The following ADCY2 variants were observed in gnomAD, a reference collection of about 807,000 sequenced individuals.
The protein encoded by ADCY2 is adenylate cyclase type 2.
In ADCY2, 31 loss-of-function variants were observed where a neutral mutation model predicts 125.2. The observed-to-expected ratio is 0.25, with a 90% CI of 0.19 to 0.33. The LOEUF (loss-of-function observed/expected upper bound fraction) is 0.33. Ranked by LOEUF, ADCY2 falls within the 10% of genes least tolerant of loss-of-function variation. The pLI is 1.00. For synonymous variants in ADCY2, 512 were observed against 548.4 expected, an observed-to-expected ratio of 0.93 and a Z score of 0.93; for missense variants, 904 against 1,418.2, an observed-to-expected ratio of 0.64 and a Z score of 5.82.
At chr5:7,699,654 A>G (rs1241425900) in intron 7 of ADCY2, among the ~76,000 whole-genome samples, 1 of 152,172 alleles carries the variant, frequency 6.6e-6, no homozygotes, top group Non-Finnish European at 1.5e-5. Context: ...TGACAAGATC[A>G]CAGCTCACTA....
chr5:7,642,390 A>G (rs990759082), intron 4 of ADCY2, among the ~76,000 whole-genome samples: 2 of 151,982 alleles, frequency 1.3e-5, no homozygotes, highest in African/African-American at 4.8e-5. Flanking sequence ...TGTTTGTTAA[A>G]TTGTTTAAAT....
intron 2 of ADCY2, among the ~76,000 whole-genome samples, chr5:7,447,581 T>C (rs980473954): frequency 1.3e-5 from 2 of 152,210 alleles, no homozygotes; most frequent in Non-Finnish European, 2.9e-5. Flanking sequence ...TGTCTGCCTT[T>C]CTTCTAGCAG....
At chr5:7,553,321 C>A (rs1451941690) in intron 3 of ADCY2, among the ~76,000 whole-genome samples, 1 of 152,200 alleles carries the variant, frequency 6.6e-6, no homozygotes, top group Non-Finnish European at 1.5e-5. Flanking sequence ...GCGTTCACTG[C>A]AGTCTTCGGA....
At position 7,626,321 on chromosome 5, in the gene ADCY2, T is replaced by G. The variant is rs1436446858; in HGVS notation, c.720+5T>G. 6.2e-7 allele frequency: 1 copy of G among 1,613,404 alleles called. No homozygotes were observed. ...GAATTTGAAAAACGTCAACAGGTAA[T>G]GGATGTTTCATCTTACATCCACATT... On this transcript the variant is annotated splice_donor_5th_base_variant and intron_variant, in intron 4 of 24. Coordinates refer to ENST00000338316, the MANE Select transcript of ADCY2 (RefSeq NM_020546.3).
At chr5:7,737,343 C>T (rs753527678) in intron 14 of ADCY2, among the ~76,000 whole-genome samples, 1 of 152,168 alleles carries the variant, frequency 6.6e-6, no homozygotes, top group Non-Finnish European at 1.5e-5. Context: ...AACCCAGGCT[C>T]CTGGGCTTTC....
chr5:7,423,555 C>T (rs563483753), intron 2 of ADCY2, among the ~76,000 whole-genome samples: 21 of 152,280 alleles, frequency 1.4e-4, no homozygotes, highest in South Asian at 1.2e-3. Context: ...CCATGTAAGA[C>T]GTGACTTTGC....
intron 3 of ADCY2, among the ~76,000 whole-genome samples, chr5:7,554,600 A>T (rs901729511): frequency 6.6e-6 from 1 of 152,184 alleles, no homozygotes; most frequent in Non-Finnish European, 1.5e-5. Context: ...TTTAAGGCCA[A>T]AAAGCATGTC....
In ADCY2 at chr5:7,413,407, T is replaced by C. The variant is rs557714928; in HGVS notation, c.211-1166T>C. ...CCTCCCAGGTTCACGCCATTCTCTG[T>C]CTCAGCCTCCGGAGTAGCTGGGACC... is the stretch of plus-strand genomic sequence containing the variant. On this transcript the variant is annotated intron_variant, in intron 1 of 24. Coordinates refer to ENST00000338316, the MANE Select transcript of ADCY2 (RefSeq NM_020546.3). 7.9e-5 allele frequency among the ~76,000 whole-genome samples: 12 copies of C among 152,084 alleles called. No homozygotes were observed. The South Asian group carries it at 2.5e-3, about 32-fold the overall frequency.
At chr5:7,447,610 C>T (rs540493747) in intron 2 of ADCY2, among the ~76,000 whole-genome samples, 29 of 152,296 alleles carry the variant, frequency 1.9e-4, no homozygotes, top group Non-Finnish European at 3.5e-4. Context: ...ACTCCCACAG[C>T]CTGCAGCTGG....
At chr5:7,548,812 TG>T (rs1391825625) in intron 3 of ADCY2, among the ~76,000 whole-genome samples, 5 of 152,224 alleles carry the variant, frequency 3.3e-5, no homozygotes, top group Non-Finnish European at 7.3e-5. Flanking sequence ...CAAAGCCATC[TG>T]TGATTTGCAT....
At chr5:7,504,514 A>T (rs933792274) in intron 2 of ADCY2, among the ~76,000 whole-genome samples, 4 of 152,332 alleles carry the variant, frequency 2.6e-5, no homozygotes, top group Middle Eastern at 3.4e-3. Flanking sequence ...AGGTAATAGT[A>T]AAGTCATTAT....
chr5:7,802,413 C>T lies in ADCY2; in HGVS notation c.2775+49C>T. The T allele has an allele frequency of 3.2e-6, 5 of 1,585,670 alleles. No individual in the cohort carries two copies. The highest frequency in any genetic ancestry group is 4.3e-6 in the Non-Finnish European group (5 of 1,165,008). ...AAGGGCAGCAGTACACTCAGTCTCA[C>T]ACCTGTGCACTTGAAGTTACTTCAG... is the stretch of plus-strand genomic sequence containing the variant. On this transcript the variant is annotated intron_variant, in intron 21 of 24. Coordinates refer to ENST00000338316, the MANE Select transcript of ADCY2 (RefSeq NM_020546.3). This position sits in a 1 kb window ranked among gnomAD's most constrained non-coding sequence, Gnocchi z 4.6.
intron 3 of ADCY2, among the ~76,000 whole-genome samples, chr5:7,567,687 T>G (rs1444562203): frequency 1.3e-5 from 2 of 152,204 alleles, no homozygotes; most frequent in Non-Finnish European, 2.9e-5. Context: ...ATTTCTGATG[T>G]TTCCCAATTC....
chr5:7,508,184 C>T (rs1483407904), intron 2 of ADCY2, among the ~76,000 whole-genome samples: 2 of 152,080 alleles, frequency 1.3e-5, no homozygotes, highest in African/African-American at 2.4e-5. Flanking sequence ...AACATTTTGC[C>T]TAAGTCCTTC....
Position 7,707,810 on chromosome 5 carries a change from T to C in ADCY2, c.1373T>C (p.Val458Ala), listed in dbSNP as rs1476652226. The C allele has an allele frequency of 6.2e-7, 1 of 1,614,042 alleles. No individual in the cohort carries two copies. Among genetic ancestry groups the C allele is most frequent in the Non-Finnish European group, 8.5e-7 (1 of 1,180,030 alleles). Reference protein sequence around the residue: ...IRDPYLKQHLVKTYFVINPKG... With the variant: ...IRDPYLKQHLAKTYFVINPKG... ...GACCCATATTTAAAACAGCACCTGG[T>C]GAAAACCTACTTTGTGATCAACCCC... Residue 458 changes from valine to alanine, a missense_variant, in exon 9 of 25, where the codon GTG (valine) becomes GCG (alanine). Coordinates refer to ENST00000338316, the MANE Select transcript of ADCY2 (RefSeq NM_020546.3).
chr5:7,544,161 C>A (rs1355866552), intron 3 of ADCY2, among the ~76,000 whole-genome samples: 1 of 152,272 alleles, frequency 6.6e-6, no homozygotes, highest in East Asian at 1.9e-4. Context: ...AGAACATTAG[C>A]TCCCCATGGA....
chr5:7,574,801 G>C lies in ADCY2; in HGVS notation c.571-51366G>C, dbSNP rs1434752060. Among the ~76,000 whole-genome samples, 4 of 152,116 alleles carry C rather than the reference G, an allele frequency of 2.6e-5. No homozygotes were observed. In the South Asian group the frequency reaches 8.3e-4, roughly 32 times the overall value. On this transcript the variant is annotated intron_variant, in intron 3 of 24. Transcript: ENST00000338316. ...AATCATGTATCCAAGAAGTTCCAAT[G>C]AATGCATGCAAAAATTTAGTTTCTA...
chr5:7,625,812 C>A (rs1482509330), intron 3 of ADCY2, among the ~76,000 whole-genome samples: 1 of 152,140 alleles, frequency 6.6e-6, no homozygotes, highest in Non-Finnish European at 1.5e-5. Context: ...TAATGAGGTG[C>A]AAGAGAGTGA....
At chr5:7,669,150 A>G (rs917311597) in intron 4 of ADCY2, among the ~76,000 whole-genome samples, 5 of 152,244 alleles carry the variant, frequency 3.3e-5, no homozygotes, top group African/African-American at 1.2e-4. Context: ...ATACACTGGT[A>G]GGAACAAAAG....
Sources: gnomAD v4.1 joint callset for allele counts (sites outside exome capture counted in the v4.1 genomes callset) on GRCh38, gnomAD v4.1.1 for gene constraint, Gnocchi (gnomAD v3.1) non-coding constraint, MANE v1.5 for transcripts, NCBI Gene and HGNC (gene_info 2026-07-23, HGNC 2026-07-21) for gene names.